PCSK5: variants seen among roughly 807,000 people sequenced by gnomAD.
PCSK5 encodes the protein prohormone convertase 5.
Under a neutral mutation model 233.2 loss-of-function variants are expected in PCSK5, and 129 were observed. The observed-to-expected ratio is 0.55, with a 90% CI of 0.48 to 0.64. The LOEUF (loss-of-function observed/expected upper bound fraction) is 0.64, where lower values mean the gene tolerates loss of function less well. Ranked by LOEUF, PCSK5 falls within the 30% of genes least tolerant of loss-of-function variation. PCSK5 has a pLI of 0.00. For missense variants in PCSK5, 2,076 were observed against 2,430.1 expected, an observed-to-expected ratio of 0.85 and a Z score of 3.06; for synonymous variants, 825 against 879.2, an observed-to-expected ratio of 0.94 and a Z score of 1.09.
intron 25 of PCSK5, among the ~76,000 whole-genome samples, chr9:76,294,479 C>A (rs1168762703): frequency 6.6e-6 from 1 of 152,168 alleles, no homozygotes; most frequent in Non-Finnish European, 1.5e-5. Context: ...CGACACCAAG[C>A]TATTTCAGGC....
At chr9:76,338,954 A>G (rs1258736845) in intron 35 of PCSK5, among the ~76,000 whole-genome samples, 1 of 151,652 alleles carries the variant, frequency 6.6e-6, no homozygotes, top group African/African-American at 2.4e-5. Context: ...CCCACCTCCA[A>G]CAAAGCTAAA....
At chr9:76,122,504 T>C (rs966622765) in intron 9 of PCSK5, among the ~76,000 whole-genome samples, 25 of 152,210 alleles carry the variant, frequency 1.6e-4, no homozygotes, top group African/African-American at 6.0e-4. Flanking sequence ...AGATTTATTA[T>C]TGACCTTTTT....
At chr9:75,945,443 TCCC>T (rs1824522789) in intron 2 of PCSK5, among the ~76,000 whole-genome samples, 1 of 151,990 alleles carries the variant, frequency 6.6e-6, no homozygotes, top group Non-Finnish European at 1.5e-5. Flanking sequence ...GTGGACTTTC[TCCC>T]CCTGCACTGC....
intron 28 of PCSK5, among the ~76,000 whole-genome samples, chr9:76,307,180 CG>C (rs1828728454): frequency 6.6e-6 from 1 of 151,780 alleles, no homozygotes; most frequent in Admixed American, 6.6e-5. Flanking sequence ...GTTTAATTAC[CG>C]TATCCATGGT....
intron 20 of PCSK5, among the ~76,000 whole-genome samples, chr9:76,226,295 T>G (rs1825888897): frequency 6.6e-6 from 1 of 152,242 alleles, no homozygotes; most frequent in Non-Finnish European, 1.5e-5. Flanking sequence ...TGGGGTTTAG[T>G]GCTAGCAAGT....
chr9:75,968,280 A>C (rs1200298482), intron 2 of PCSK5, among the ~76,000 whole-genome samples: 3 of 152,210 alleles, frequency 2.0e-5, no homozygotes, highest in Non-Finnish European at 2.9e-5. Flanking sequence ...CAGTCTCAGG[A>C]ACTAGTTCAA....
At chr9:76,191,146 T>C (rs1824355553) in intron 20 of PCSK5, among the ~76,000 whole-genome samples, 2 of 152,226 alleles carry the variant, frequency 1.3e-5, no homozygotes, top group Admixed American at 6.5e-5. Flanking sequence ...ATGTAGAAAT[T>C]GTTTAAACTA....
At chr9:76,248,494 G>A (rs1826690761) in intron 24 of PCSK5, among the ~76,000 whole-genome samples, 1 of 152,092 alleles carries the variant, frequency 6.6e-6, no homozygotes, top group Non-Finnish European at 1.5e-5. Flanking sequence ...TGTATTTCAG[G>A]AAAGAATTAG....
chr9:75,984,008 A>G (rs4745481), intron 2 of PCSK5, among the ~76,000 whole-genome samples: 110,747 of 152,030 alleles, frequency 0.73, 40,695 homozygotes, highest in East Asian at 0.82. Flanking sequence ...AACTTTTCTT[A>G]AGTATTGCAG....
At chr9:76,309,332 A>T (rs1219089121) in intron 29 of PCSK5, among the ~76,000 whole-genome samples, 1 of 152,262 alleles carries the variant, frequency 6.6e-6, no homozygotes, top group Non-Finnish European at 1.5e-5. Context: ...ATAAAAACAA[A>T]AATCACAAAT....
intron 12 of PCSK5, among the ~76,000 whole-genome samples, chr9:76,167,634 T>A (rs1823141610): frequency 6.6e-6 from 1 of 152,226 alleles, no homozygotes; most frequent in African/African-American, 2.4e-5. Context: ...GACACACTGA[T>A]AAAATACGTT....
intron 3 of PCSK5, among the ~76,000 whole-genome samples, chr9:76,016,513 A>C (rs946463394): frequency 9.2e-5 from 14 of 152,218 alleles, no homozygotes; most frequent in African/African-American, 3.4e-4. Context: ...AGAGTTATAC[A>C]TATAAAAGAT....
At chr9:76,153,345 A>T (rs1823751483) in intron 10 of PCSK5, among the ~76,000 whole-genome samples, 1 of 152,212 alleles carries the variant, frequency 6.6e-6, no homozygotes, top group Admixed American at 6.5e-5. Context: ...TTTAACTAAG[A>T]TTAAAACTGA....
intron 24 of PCSK5, chr9:76,288,183 G>A (rs1248933780): frequency 6.6e-6 from 1 of 152,150 alleles, no homozygotes; most frequent in East Asian, 1.9e-4. Context: ...TGATGCTCCG[G>A]ACAATTGCTT....
chr9:76,154,017 G>A lies in PCSK5; in HGVS notation c.1313-3028G>A, dbSNP rs112288331. Among the ~76,000 whole-genome samples the A allele has an allele frequency of 5.3e-5, 8 of 152,266 alleles. 1 individual carries two copies. The highest frequency in any genetic ancestry group is 3.4e-3 in the Middle Eastern group (1 of 294). ...GAAAATTGTATATAAAAAATTGTTA[G>A]TGCTTCCAAACTGCATAATGGCTCT... On this transcript the variant is annotated intron_variant, in intron 10 of 37. Coordinates refer to ENST00000674117, the MANE Select transcript of PCSK5 (RefSeq NM_001372043.1).
At chr9:76,243,763 A>C (rs1053936429) in intron 24 of PCSK5, among the ~76,000 whole-genome samples, 21 of 124,062 alleles carry the variant, frequency 1.7e-4, no homozygotes, top group Non-Finnish European at 3.0e-4. Context: ...GGACATAATA[A>C]ATATGAATTA....
At position 76,296,836 on chromosome 9, in the gene PCSK5, A is replaced by G. The variant is rs763482524; in HGVS notation, c.3494A>G (p.Lys1165Arg). 5 of 1,612,060 alleles carry G rather than the reference A, an allele frequency of 3.1e-6. No homozygotes were observed. In the East Asian group the frequency reaches 1.1e-4, roughly 36 times the overall value. The part of the protein sequence containing the change: ...LLRGMCVHAT[K>R]TQEEGKFWNE... ...CGTGGGATGTGCGTGCATGCCACCA[A>G]GACCCAGGAGGAGGGCAAATTCTGG... The change falls in exon 27 of 38, where the codon AAG becomes AGG. Residue 1165 changes from lysine (K) to arginine (R), a missense_variant. By Grantham distance (26) the Lys-to-Arg change is conservative. Coordinates refer to ENST00000674117, the MANE Select transcript of PCSK5 (RefSeq NM_001372043.1).
At chr9:76,301,782 T>G (rs1170000293) in intron 27 of PCSK5, among the ~76,000 whole-genome samples, 1 of 152,028 alleles carries the variant, frequency 6.6e-6, no homozygotes, top group Non-Finnish European at 1.5e-5. Context: ...AGCCAGAGGC[T>G]GCAACAAGCT....
intron 30 of PCSK5, among the ~76,000 whole-genome samples, chr9:76,313,914 C>G (rs998149466): frequency 1.3e-5 from 2 of 152,022 alleles, no homozygotes; most frequent in African/African-American, 4.8e-5. Flanking sequence ...CCCTATCAAC[C>G]GAGCTCCACC....
Sources: allele counts gnomAD v4.1 joint callset (sites outside exome capture counted in the v4.1 genomes callset), GRCh38; gene constraint gnomAD v4.1.1; transcripts MANE v1.5; gene names NCBI Gene and HGNC (gene_info 2026-07-23, HGNC 2026-07-21).